The following LRBA variants were observed in gnomAD, a reference collection of about 807,000 sequenced individuals.
LRBA encodes the protein lipopolysaccharide-responsive and beige-like anchor protein.
LRBA carries 176 observed loss-of-function variants against 330.0 expected under a neutral mutation model. The ratio of observed to expected loss-of-function variants is 0.53; its 90% CI spans 0.47 to 0.60. The LOEUF is 0.60. LRBA is among the 20% of genes least tolerant of loss of function. The pLI is 0.00. For synonymous variants in LRBA, 1,230 were observed against 1,193.0 expected (o/e 1.03, Z -0.64); for missense variants, 3,259 against 3,444.8 (o/e 0.95, Z 1.35).
At chr4:150,805,634 G>GAAGGA (rs752613054) in intron 33 of LRBA, among the ~76,000 whole-genome samples, 6 of 119,244 alleles carry the variant, frequency 5.0e-5, no homozygotes, top group South Asian at 2.6e-4. Flanking sequence ...AGGAGAAGGA[G>GAAGGA]AAGGAAAGGA....
At chr4:150,510,795 T>A (rs950919991) in intron 40 of LRBA, among the ~76,000 whole-genome samples, 3 of 152,142 alleles carry the variant, frequency 2.0e-5, no homozygotes, top group Non-Finnish European at 2.9e-5. Flanking sequence ...CACCTATAAA[T>A]AGCTCCACCA....
At chr4:150,457,307 T>C (rs1167265008) in intron 44 of LRBA, among the ~76,000 whole-genome samples, 1 of 152,068 alleles carries the variant, frequency 6.6e-6, no homozygotes, top group Non-Finnish European at 1.5e-5. Context: ...AAATATAACA[T>C]GCATGCAATT....
intron 44 of LRBA, among the ~76,000 whole-genome samples, chr4:150,448,331 TAAC>T (rs1752865964): frequency 6.6e-6 from 1 of 152,202 alleles, no homozygotes. Context: ...GCTGTCATTG[TAAC>T]AACAATAAAA....
chr4:150,843,316 T>A (rs1749379055), intron 28 of LRBA, among the ~76,000 whole-genome samples: 1 of 151,148 alleles, frequency 6.6e-6, no homozygotes, highest in African/African-American at 2.4e-5. Flanking sequence ...AAAAGAAAAA[T>A]TGAGGTTAGA....
chr4:150,343,958 C>T (rs1735929275), intron 48 of LRBA, among the ~76,000 whole-genome samples: 1 of 152,200 alleles, frequency 6.6e-6, no homozygotes, highest in Non-Finnish European at 1.5e-5. Flanking sequence ...TATCCGTCTA[C>T]TCTCCAATCT....
chr4:150,793,606 G>GA (rs990588454), intron 34 of LRBA, among the ~76,000 whole-genome samples: 11 of 151,514 alleles, frequency 7.3e-5, no homozygotes, highest in Non-Finnish European at 1.3e-4. Flanking sequence ...GGATACAATA[G>GA]AAAAAAAACA....
At chr4:150,597,161 C>T (rs1320543718) in intron 38 of LRBA, 7 of 940,088 alleles carry the variant, frequency 7.4e-6, no homozygotes, top group African/African-American at 3.4e-5. Context: ...CAATTACTAT[C>T]GAGAGTAATC....
chr4:150,541,885 A>C (rs1765354998), intron 40 of LRBA, among the ~76,000 whole-genome samples: 2 of 152,098 alleles, frequency 1.3e-5, no homozygotes, highest in Non-Finnish European at 2.9e-5. Flanking sequence ...GTGTCTCGGT[A>C]TGTTGCCCAA....
chr4:150,735,025 C>A (rs1284262065), intron 36 of LRBA, among the ~76,000 whole-genome samples: 4 of 152,144 alleles, frequency 2.6e-5, no homozygotes, highest in African/African-American at 7.2e-5. Flanking sequence ...AGCAGCCAAA[C>A]AAGAAGCTTC....
At chr4:150,627,476 A>T (rs115088023) in intron 37 of LRBA, among the ~76,000 whole-genome samples, 2,285 of 152,098 alleles carry the variant, frequency 0.015, 35 homozygotes, top group Non-Finnish European at 0.019. Context: ...ACATCACTTG[A>T]ATTTTGAATT....
At chr4:150,836,366 A>C (rs1360069997) in intron 28 of LRBA, among the ~76,000 whole-genome samples, 4 of 152,192 alleles carry the variant, frequency 2.6e-5, no homozygotes, top group Non-Finnish European at 5.9e-5. Flanking sequence ...GAATAGTTTC[A>C]GAAGGAATGG....
intron 38 of LRBA, among the ~76,000 whole-genome samples, chr4:150,597,903 T>C (rs777989648): frequency 6.6e-6 from 1 of 152,122 alleles, no homozygotes; most frequent in Non-Finnish European, 1.5e-5. Flanking sequence ...TTGACTATTC[T>C]CTGTATGATC....
chr4:150,792,888 C>A (rs1451340655), intron 34 of LRBA, among the ~76,000 whole-genome samples: 1 of 152,050 alleles, frequency 6.6e-6, no homozygotes, highest in Non-Finnish European at 1.5e-5. Flanking sequence ...CAAGACCAGC[C>A]TGGCCAACAT....
intron 37 of LRBA, among the ~76,000 whole-genome samples, chr4:150,628,846 T>G (rs1392415838): frequency 1.3e-5 from 2 of 152,244 alleles, no homozygotes; most frequent in Non-Finnish European, 2.9e-5. Flanking sequence ...TAATCAACAC[T>G]AAGTTTTAAA....
chr4:150,353,594 T>A (rs1737448445), intron 47 of LRBA, among the ~76,000 whole-genome samples: 1 of 152,202 alleles, frequency 6.6e-6, no homozygotes, highest in Non-Finnish European at 1.5e-5. Flanking sequence ...TGGTTAGATT[T>A]CGATGCTTAA....
intron 36 of LRBA, among the ~76,000 whole-genome samples, chr4:150,706,575 G>A (rs1785643072): frequency 2.0e-5 from 3 of 150,396 alleles, no homozygotes; most frequent in African/African-American, 4.9e-5. Context: ...TGAGATCCAT[G>A]AGAGAAAATA....
rs186241613 is a variant in LRBA at position 150,903,680 on chromosome 4, C to T, written c.1755+2158G>A. 8.5e-5 allele frequency among the ~76,000 whole-genome samples: 13 copies of T among 152,276 alleles called. No homozygotes were observed. In the East Asian group the frequency reaches 2.1e-3, roughly 25 times the overall value. On this transcript the variant is annotated intron_variant, in intron 13 of 56. Coordinates refer to ENST00000651943, the MANE Select transcript of LRBA (RefSeq NM_001364905.1). ...ACCTGAGCTGGGGAGGCAGAAGTTA[C>T]AGTGAGCTGAGATCCCACCTTAGTG...
intron 47 of LRBA, among the ~76,000 whole-genome samples, chr4:150,391,033 C>A (rs1314581940): frequency 6.6e-6 from 1 of 152,148 alleles, no homozygotes; most frequent in Non-Finnish European, 1.5e-5. Flanking sequence ...TCCCAAACTC[C>A]CATATGGCTA....
At chr4:150,815,139 G>A (rs1744374049) in intron 31 of LRBA, among the ~76,000 whole-genome samples, 1 of 151,840 alleles carries the variant, frequency 6.6e-6, no homozygotes, top group Non-Finnish European at 1.5e-5. Context: ...ATTTGATTTT[G>A]GATGTTAATG....
Sources: allele counts gnomAD v4.1 joint callset (sites outside exome capture counted in the v4.1 genomes callset), GRCh38; gene constraint gnomAD v4.1.1; transcripts MANE v1.5; gene names NCBI Gene and HGNC (gene_info 2026-07-23, HGNC 2026-07-21).